The following CHRDL1 variants were observed in gnomAD, a reference collection of about 807,000 sequenced individuals.
CHRDL1 encodes chordin-like protein 1.
In CHRDL1, 19 loss-of-function variants were observed where a neutral mutation model predicts 40.9. That is an observed-to-expected ratio of 0.46 (90% CI 0.32 to 0.68). The LOEUF is 0.68. Ranked by LOEUF, CHRDL1 falls within the 30% of genes least tolerant of loss-of-function variation. CHRDL1 has a pLI of 0.03. For missense variants in CHRDL1, 329 were observed against 352.1 expected (o/e 0.93, Z 0.53); for synonymous variants, 136 against 123.4 (o/e 1.10, Z -0.68).
chrX:110,681,446 C>A, intron 10 of CHRDL1, 36 bp downstream of exon 10: 1 of 1,162,125 alleles, frequency 8.6e-7, no homozygotes, highest in Admixed American at 2.2e-5. Context: ...TCTGTGCCCC[C>A]TTACAAAGAT....
At position 110,676,135 on chromosome X, in the gene CHRDL1, A is replaced by T; in HGVS notation, c.*96T>A. ...AATAATTGACTGCATTTGAGTTTGGAGTTTTAGGGCACTGTTGACTTAAGC... is the reference window on the plus strand; with the variant it reads ...AATAATTGACTGCATTTGAGTTTGGTGTTTTAGGGCACTGTTGACTTAAGC... On this transcript the variant is annotated 3_prime_UTR_variant, in exon 12 of 12. Coordinates refer to ENST00000372042, the MANE Select transcript of CHRDL1 (RefSeq NM_001143981.2). The T allele has an allele frequency of 3.3e-6, 3 of 895,921 alleles. No individual in the cohort carries two copies. Among genetic ancestry groups the T allele is most frequent in the Non-Finnish European group, 4.7e-6 (3 of 644,725 alleles). 73.8% of individuals were successfully genotyped at this position (895,921 alleles called of 1,213,427 possible). A position where few individuals can be genotyped will look rare whatever the true frequency, so the allele number is the denominator to read the frequency against.
rs1349457970 is a variant in CHRDL1 at position 110,690,052 on chromosome X, TA to T, written c.779-1250del. 5.9e-5 allele frequency among the ~76,000 whole-genome samples: 4 copies of T among 67,965 alleles called. 1 individual carries two copies. Among genetic ancestry groups the T allele is most frequent in the East Asian group, 3.1e-4 (1 of 3,273 alleles). 59.0% of individuals were successfully genotyped at this position (67,965 alleles called of 115,157 possible). A position where few individuals can be genotyped will look rare whatever the true frequency, so the allele number is the denominator to read the frequency against. On this transcript the variant is annotated intron_variant, in intron 8 of 11. Coordinates refer to ENST00000372042, the MANE Select transcript of CHRDL1 (RefSeq NM_001143981.2). The stretch of plus-strand genomic sequence containing the variant: ...ATCTATATATATCTATATATATATA[TA>T]TTTTTTTTTTGAGATGGAGTCTCGC...
chrX:110,691,116 A>C (rs1342742857), intron 8 of CHRDL1, among the ~76,000 whole-genome samples: 5 of 108,771 alleles, frequency 4.6e-5, no homozygotes, highest in Non-Finnish European at 9.5e-5. Context: ...TGGGAGGCTG[A>C]GGTGGGAGGA....
At chrX:110,689,416 A>C (rs35285626) in intron 8 of CHRDL1, among the ~76,000 whole-genome samples, 1,731 of 35,876 alleles carry the variant, frequency 0.048, 79 homozygotes, top group African/African-American at 0.21. Context: ...CTATATATCT[A>C]TATATATCTA....
intron 6 of CHRDL1, among the ~76,000 whole-genome samples, chrX:110,716,297 G>A (rs2070840749): frequency 9.1e-6 from 1 of 110,166 alleles, no homozygotes; most frequent in Non-Finnish European, 1.9e-5. Flanking sequence ...TTTTTTGGTA[G>A]CACCTAATTC....
intron 4 of CHRDL1, among the ~76,000 whole-genome samples, chrX:110,725,099 C>T (rs1050738975): frequency 7.2e-5 from 8 of 111,838 alleles, no homozygotes; most frequent in Non-Finnish European, 1.5e-4. Flanking sequence ...AAATTCCCAC[C>T]TAGCACTAAG....
At chrX:110,791,745 A>C (rs941946020) in intron 2 of CHRDL1, among the ~76,000 whole-genome samples, 2 of 111,925 alleles carry the variant, frequency 1.8e-5, no homozygotes, top group African/African-American at 6.5e-5. Context: ...AAGAGTCTGA[A>C]ATTTGGGAAA....
intron 6 of CHRDL1, among the ~76,000 whole-genome samples, chrX:110,709,506 G>A (rs927717054): frequency 2.2e-4 from 25 of 112,524 alleles, no homozygotes; most frequent in Admixed American, 9.4e-4. Flanking sequence ...AAAATGGCTA[G>A]AGAGATTTCT....
At chrX:110,706,417 T>C (rs145730231) in intron 6 of CHRDL1, among the ~76,000 whole-genome samples, 1 of 112,285 alleles carries the variant, frequency 8.9e-6, no homozygotes, top group East Asian at 2.8e-4. Context: ...GCCACATGTA[T>C]TGTTTATTCA....
At chrX:110,742,436 C>T (rs16986121) in intron 4 of CHRDL1, among the ~76,000 whole-genome samples, 1 of 112,315 alleles carries the variant, frequency 8.9e-6, no homozygotes, top group Non-Finnish European at 1.9e-5. Flanking sequence ...TAATGGTTGT[C>T]TCAAACACAC....
intron 11 of CHRDL1, among the ~76,000 whole-genome samples, chrX:110,676,793 G>A (rs1205120193): frequency 9.0e-6 from 1 of 110,981 alleles, no homozygotes; most frequent in Non-Finnish European, 1.9e-5. Flanking sequence ...TACCCTTAGG[G>A]TCCCCAAATA....
chrX:110,689,095 T>A (rs192976309), intron 8 of CHRDL1, among the ~76,000 whole-genome samples: 43,218 of 86,276 alleles, frequency 0.5, 9,282 homozygotes, highest in African/African-American at 0.75. Context: ...TATATATATA[T>A]ATATATATAT....
At chrX:110,728,073 T>C (rs776117790) in intron 4 of CHRDL1, among the ~76,000 whole-genome samples, 1 of 111,090 alleles carries the variant, frequency 9.0e-6, no homozygotes, top group East Asian at 2.8e-4. Context: ...GGTAAAATGA[T>C]GTGCACAATA....
intron 4 of CHRDL1, among the ~76,000 whole-genome samples, chrX:110,756,145 C>T (rs2089448787): frequency 9.0e-6 from 1 of 111,457 alleles, no homozygotes; most frequent in Non-Finnish European, 1.9e-5. Context: ...AGAAATCTCC[C>T]TGTTATTTTC....
intron 2 of CHRDL1, among the ~76,000 whole-genome samples, chrX:110,766,810 G>A (rs1288500842): frequency 5.4e-5 from 6 of 111,485 alleles, no homozygotes; most frequent in Non-Finnish European, 5.7e-5. Flanking sequence ...ATAAGACAGA[G>A]CAAGAAGGAA....
At chrX:110,748,960 T>G (rs1414805764) in intron 4 of CHRDL1, among the ~76,000 whole-genome samples, 1 of 111,037 alleles carries the variant, frequency 9.0e-6, no homozygotes, top group Non-Finnish European at 1.9e-5. Context: ...AATGGTAAAT[T>G]TTATGTTATG....
intron 2 of CHRDL1, among the ~76,000 whole-genome samples, chrX:110,789,570 G>C (rs1304158652): frequency 8.9e-6 from 1 of 112,396 alleles, no homozygotes; most frequent in African/African-American, 3.2e-5. Context: ...GCAAGCATTA[G>C]AAAGAATATG....
rs905586175 is a variant in CHRDL1 at position 110,674,926 on chromosome X, T to C, written c.*1305A>G. ...TTATGCTCTGGTATTGGGCTGCAAGTAGACATTTTAGGAGCAGCCTTCTCT... is the reference window on the plus strand; with the variant it reads ...TTATGCTCTGGTATTGGGCTGCAAGCAGACATTTTAGGAGCAGCCTTCTCT... On this transcript the variant is annotated 3_prime_UTR_variant, in exon 12 of 12. Transcript: ENST00000372042. 3 of 112,263 alleles carry C rather than the reference T, an allele frequency of 2.7e-5. No individual in the cohort carries two copies. Among genetic ancestry groups the C allele is most frequent in the Non-Finnish European group, 5.6e-5 (3 of 53,247 alleles). The allele number at this position is 112,263 out of a possible 1,213,427, so 9.3% of individuals were successfully genotyped here.
chrX:110,743,044 G>A (rs1041756182), intron 4 of CHRDL1, among the ~76,000 whole-genome samples: 3 of 112,118 alleles, frequency 2.7e-5, no homozygotes, highest in Non-Finnish European at 5.6e-5. Context: ...TATTTAAACC[G>A]ATTAACATTA....
Sources: gnomAD v4.1 joint callset for allele counts (sites outside exome capture counted in the v4.1 genomes callset) on GRCh38, gnomAD v4.1.1 for gene constraint, MANE v1.5 for transcripts, NCBI Gene and HGNC (gene_info 2026-07-23, HGNC 2026-07-21) for gene names.